The following FOXP2 variants were observed in gnomAD, a reference collection of about 807,000 sequenced individuals.
FOXP2 encodes the protein forkhead box protein P2.
FOXP2 carries 12 observed loss-of-function variants against 115.8 expected under a neutral mutation model. That is an observed-to-expected ratio of 0.10 (90% CI 0.07 to 0.17). FOXP2 has a LOEUF of 0.17. Ranked by LOEUF, FOXP2 falls within the 10% of genes least tolerant of loss-of-function variation. The pLI is 1.00. For synonymous variants in FOXP2, 328 were observed against 297.7 expected (o/e 1.10, Z -1.05); for missense variants, 629 against 843.5 (o/e 0.75, Z 3.15).
chr7:114,560,056 C>G (rs1173945944), intron 3 of FOXP2, among the ~76,000 whole-genome samples: 5 of 151,906 alleles, frequency 3.3e-5, no homozygotes, highest in African/African-American at 9.7e-5. Flanking sequence ...GTTAAGCTAG[C>G]CTTTCTTTTA....
intron 2 of FOXP2, among the ~76,000 whole-genome samples, chr7:114,367,826 G>A (rs529309465): frequency 6.6e-6 from 1 of 152,278 alleles, no homozygotes; most frequent in African/African-American, 2.4e-5. Context: ...ATCTGTAAGA[G>A]AGATGACTAA....
intron 3 of FOXP2, among the ~76,000 whole-genome samples, chr7:114,617,420 C>A (rs369524199): frequency 1.6e-4 from 24 of 152,202 alleles, no homozygotes; most frequent in African/African-American, 5.8e-4. Flanking sequence ...ATTGTTGCCA[C>A]GAATATTTCT....
intron 8 of FOXP2, among the ~76,000 whole-genome samples, chr7:114,646,153 A>G (rs746340746): frequency 6.6e-6 from 1 of 151,644 alleles, no homozygotes; most frequent in Non-Finnish European, 1.5e-5. Flanking sequence ...ATGTGAATAC[A>G]TTAGTCCTTA....
At chr7:114,537,375 G>A (rs1799448133) in intron 3 of FOXP2, among the ~76,000 whole-genome samples, 1 of 151,518 alleles carries the variant, frequency 6.6e-6, no homozygotes, top group East Asian at 1.9e-4. Context: ...AACCAAAAGA[G>A]ATACTTTGTA....
intron 1 of FOXP2, among the ~76,000 whole-genome samples, chr7:114,130,936 G>A (rs933604728): frequency 1.3e-5 from 2 of 152,144 alleles, no homozygotes; most frequent in Admixed American, 6.5e-5. Flanking sequence ...ATAAACTCTG[G>A]TATGCTAAAC....
chr7:114,318,593 T>C (rs530595231), intron 2 of FOXP2, among the ~76,000 whole-genome samples: 1 of 151,942 alleles, frequency 6.6e-6, no homozygotes, highest in East Asian at 1.9e-4. Flanking sequence ...TTAAACACAA[T>C]GATTCACAAT....
At chr7:114,488,280 G>C (rs1333851589) in intron 2 of FOXP2, among the ~76,000 whole-genome samples, 1 of 152,064 alleles carries the variant, frequency 6.6e-6, no homozygotes, top group Non-Finnish European at 1.5e-5. Flanking sequence ...CTCCCACCGG[G>C]TTTCTCCCAA....
At chr7:114,414,481 C>A (rs1260261111), upstream of FOXP2, 1 of 152,730 alleles carries the variant, frequency 6.5e-6, no homozygotes, top group East Asian at 1.9e-4. Flanking sequence ...CTGTAAATAT[C>A]TTAATACATC....
chr7:114,459,825 C>T (rs926288766), intron 2 of FOXP2, among the ~76,000 whole-genome samples: 7 of 152,042 alleles, frequency 4.6e-5, no homozygotes, highest in African/African-American at 1.2e-4. Flanking sequence ...CATGTTGGTC[C>T]GGTTGATCTC....
intron 2 of FOXP2, among the ~76,000 whole-genome samples, chr7:114,526,789 T>C (rs1420193395): frequency 6.6e-6 from 1 of 152,160 alleles, no homozygotes; most frequent in African/African-American, 2.4e-5. Context: ...ATAACAACTT[T>C]ATTGAGATAT....
chr7:114,273,826 T>C (rs1796120943), intron 1 of FOXP2, among the ~76,000 whole-genome samples: 2 of 152,102 alleles, frequency 1.3e-5, no homozygotes, highest in South Asian at 4.1e-4. Context: ...TATGTGTCTT[T>C]ATATTTATTT....
At chr7:114,129,400 G>C (rs1791811805) in intron 1 of FOXP2, among the ~76,000 whole-genome samples, 1 of 152,038 alleles carries the variant, frequency 6.6e-6, no homozygotes, top group Non-Finnish European at 1.5e-5. Context: ...ACACACATTG[G>C]TTACTGGATA....
chr7:114,172,045 A>G (rs905923433), intron 1 of FOXP2, among the ~76,000 whole-genome samples: 6 of 152,316 alleles, frequency 3.9e-5, no homozygotes, highest in Non-Finnish European at 7.3e-5. Context: ...TAAAACTTTA[A>G]TAAGTGAGGA....
chr7:114,302,902 T>A (rs907737447), intron 2 of FOXP2, among the ~76,000 whole-genome samples: 1 of 152,030 alleles, frequency 6.6e-6, no homozygotes, highest in African/African-American at 2.4e-5. Context: ...AAATGGAGAT[T>A]TCGGTCCTAC....
chr7:114,271,941 T>C (rs1385905302), intron 1 of FOXP2, among the ~76,000 whole-genome samples: 10 of 131,474 alleles, frequency 7.6e-5, no homozygotes, highest in African/African-American at 2.9e-4. Context: ...AATATTAATA[T>C]ATTGTATTTA....
chr7:114,330,100 A>C (rs1197188696), intron 2 of FOXP2, among the ~76,000 whole-genome samples: 9 of 152,142 alleles, frequency 5.9e-5, no homozygotes, highest in Non-Finnish European at 1.0e-4. Context: ...CCTTGATTCA[A>C]GTCTGTGGAT....
At chr7:114,354,704 A>G (rs1791573740) in intron 2 of FOXP2, among the ~76,000 whole-genome samples, 1 of 152,060 alleles carries the variant, frequency 6.6e-6, no homozygotes, top group Admixed American at 6.6e-5. Context: ...CCCCTATATT[A>G]TATAAGCTTG....
chr7:114,620,408 T>G (rs1398179538), intron 3 of FOXP2, among the ~76,000 whole-genome samples: 1 of 152,046 alleles, frequency 6.6e-6, no homozygotes, highest in Non-Finnish European at 1.5e-5. Context: ...GGGAAACCTT[T>G]CAAAGTGATG....
Position 114,660,543 on chromosome 7 carries a change from G to A in FOXP2, c.1647+870G>A, listed in dbSNP as rs1235942267. On this transcript the variant is annotated intron_variant, in intron 13 of 16. Transcript: ENST00000350908. Reference sequence around the variant, plus strand: ...TAAAATGCAAATTAATCTGGCAAGCGATTACAGATATATGGGTGTGAGACT... The same window carrying A: ...TAAAATGCAAATTAATCTGGCAAGCAATTACAGATATATGGGTGTGAGACT... 3.3e-5 allele frequency among the ~76,000 whole-genome samples: 5 copies of A among 152,128 alleles called. No homozygotes were observed. The South Asian group carries it at 8.3e-4, about 25-fold the overall frequency.
Sources: gnomAD v4.1 joint callset for allele counts (sites outside exome capture counted in the v4.1 genomes callset) on GRCh38, gnomAD v4.1.1 for gene constraint, MANE v1.5 for transcripts, NCBI Gene and HGNC (gene_info 2026-07-23, HGNC 2026-07-21) for gene names.